The following PTPRK variants were observed in gnomAD, a reference collection of about 807,000 sequenced individuals.
PTPRK encodes receptor-type tyrosine-protein phosphatase kappa.
In PTPRK, 75 loss-of-function variants were observed where a neutral mutation model predicts 178.0. That is an observed-to-expected ratio of 0.42 (90% CI 0.35 to 0.51). PTPRK has a LOEUF of 0.51. Among genes scored for constraint, PTPRK ranks in the 20% least tolerant of loss-of-function variants. The pLI is 0.02. For missense variants in PTPRK, 1,441 were observed against 1,797.8 expected (o/e 0.80, Z 3.59); for synonymous variants, 637 against 620.6 (o/e 1.03, Z -0.39).
At chr6:128,453,951 G>A (rs1174297708) in intron 1 of PTPRK, among the ~76,000 whole-genome samples, 2 of 152,108 alleles carry the variant, frequency 1.3e-5, no homozygotes, top group African/African-American at 4.8e-5. Context: ...TTCTTCTATA[G>A]AAGTTAATTC....
chr6:128,262,555 C>T (rs992452716), intron 3 of PTPRK, among the ~76,000 whole-genome samples: 8 of 151,986 alleles, frequency 5.3e-5, no homozygotes, highest in Non-Finnish European at 1.2e-4. Flanking sequence ...CTAAACTAGA[C>T]CCAACTACAG....
At chr6:128,143,087 C>A (rs1435632633) in intron 7 of PTPRK, among the ~76,000 whole-genome samples, 1 of 152,044 alleles carries the variant, frequency 6.6e-6, no homozygotes, top group East Asian at 1.9e-4. Flanking sequence ...ACACTTCTCC[C>A]CTTTCTCTTC....
chr6:128,092,131 T>C (rs1463242780), intron 7 of PTPRK, among the ~76,000 whole-genome samples: 6 of 152,196 alleles, frequency 3.9e-5, no homozygotes, highest in Admixed American at 1.3e-4. Context: ...AGCACAATCA[T>C]AATTTCAGTG....
At chr6:128,398,371 C>T (rs1840616173) in intron 1 of PTPRK, among the ~76,000 whole-genome samples, 2 of 152,156 alleles carry the variant, frequency 1.3e-5, no homozygotes, top group Admixed American at 1.3e-4. Context: ...GTTACTAAGG[C>T]CTGGAAAGTT....
In PTPRK at chr6:128,402,425, G is replaced by C. The variant is rs182571730; in HGVS notation, c.101-4737C>G. 3.7e-3 allele frequency among the ~76,000 whole-genome samples: 558 copies of C among 152,098 alleles called. 9 individuals carry two copies. Among genetic ancestry groups the C allele is most frequent in the East Asian group, 2.1e-3 (11 of 5,158 alleles). ...GTGCCACCATGCCCATCTAATTTTT[G>C]TATTTTTAGTAGAGACGGGGTTTCA... On this transcript the variant is annotated intron_variant, in intron 1 of 29. Coordinates refer to ENST00000368226, the MANE Select transcript of PTPRK (RefSeq NM_002844.4).
chr6:128,242,389 T>C lies in PTPRK; in HGVS notation c.577+132A>G, dbSNP rs114131013. The C allele has an allele frequency of 9.3e-4, 1,125 of 1,215,394 alleles. 6 individuals carry two copies. In the African/African-American group the frequency reaches 0.015, roughly 16 times the overall value. The allele number at this position is 1,215,394 out of a possible 1,614,324, so 75.3% of individuals were successfully genotyped here. A position where few individuals can be genotyped will look rare whatever the true frequency, so the allele number is the denominator to read the frequency against. On this transcript the variant is annotated intron_variant, in intron 4 of 29. Coordinates refer to ENST00000368226, the MANE Select transcript of PTPRK (RefSeq NM_002844.4). ...AAAGATATCAGTTTCCTTTTAAAAC[T>C]CAATAGAAGGCTAGGACTAACAATA...
chr6:128,408,582 A>C (rs1841966333), intron 1 of PTPRK, among the ~76,000 whole-genome samples: 1 of 152,204 alleles, frequency 6.6e-6, no homozygotes, highest in East Asian at 1.9e-4. Flanking sequence ...TGGTACTTTG[A>C]GGGCAACTTG....
intron 15 of PTPRK, among the ~76,000 whole-genome samples, chr6:127,999,473 A>ATTTATATTCATTTATATTCAACCTCT (rs1777542579): frequency 2.0e-5 from 3 of 151,996 alleles, no homozygotes; most frequent in African/African-American, 7.2e-5. Context: ...TCTGCTAGCC[A>ATTTATATTCATTTATATTCAACCTCT]GACTACACGT....
intron 1 of PTPRK, among the ~76,000 whole-genome samples, chr6:128,419,682 A>C (rs1406382218): frequency 6.6e-6 from 1 of 152,182 alleles, no homozygotes; most frequent in Non-Finnish European, 1.5e-5. Context: ...CAATCTGAGA[A>C]CCTGTTTAAA....
chr6:128,329,995 G>T (rs1356657926), intron 2 of PTPRK, among the ~76,000 whole-genome samples: 1 of 152,148 alleles, frequency 6.6e-6, no homozygotes, highest in Non-Finnish European at 1.5e-5. Context: ...TATGTGTTCT[G>T]GAGACCATCT....
chr6:128,345,331 A>G (rs1174719691), intron 2 of PTPRK, among the ~76,000 whole-genome samples: 1 of 152,166 alleles, frequency 6.6e-6, no homozygotes, highest in Non-Finnish European at 1.5e-5. Flanking sequence ...TGTTCCCACT[A>G]CATATATTAA....
chr6:127,976,566 T>C lies in PTPRK; in HGVS notation c.3969+91A>G, dbSNP rs1774625115. 1.7e-5 allele frequency: 24 copies of C among 1,451,038 alleles called. No individual in the cohort carries two copies. In the South Asian group the frequency reaches 2.7e-4, roughly 17 times the overall value. The allele number at this position is 1,451,038 out of a possible 1,614,324, so 89.9% of individuals were successfully genotyped here. On this transcript the variant is annotated intron_variant, in intron 27 of 29. Coordinates refer to ENST00000368226, the MANE Select transcript of PTPRK (RefSeq NM_002844.4). ...TGGATGATATAGTGCTTATTAATTG[T>C]AGTCTCCCTGTTGTCTGAATAAAAT...
At chr6:128,387,465 T>C (rs1013801938) in intron 2 of PTPRK, among the ~76,000 whole-genome samples, 3 of 152,184 alleles carry the variant, frequency 2.0e-5, no homozygotes, top group African/African-American at 7.2e-5. Flanking sequence ...TTATTGGACA[T>C]TTAGTATAAA....
intron 3 of PTPRK, among the ~76,000 whole-genome samples, chr6:128,276,281 A>G (rs1000941591): frequency 2.0e-5 from 3 of 152,136 alleles, no homozygotes; most frequent in Non-Finnish European, 4.4e-5. Flanking sequence ...TTAAGAAAGC[A>G]GAAATATTGT....
intron 3 of PTPRK, among the ~76,000 whole-genome samples, chr6:128,286,997 C>T: frequency 6.6e-6 from 1 of 152,104 alleles, no homozygotes. Flanking sequence ...GGATTTCTAT[C>T]CTGCCTCTTA....
At chr6:128,486,971 A>T (rs1485617585) in intron 1 of PTPRK, among the ~76,000 whole-genome samples, 1 of 151,556 alleles carries the variant, frequency 6.6e-6, no homozygotes, top group Non-Finnish European at 1.5e-5. Context: ...AAAAAGAAAA[A>T]ATGTATTGAC....
At chr6:128,480,777 T>C (rs115961652) in intron 1 of PTPRK, among the ~76,000 whole-genome samples, 78 of 152,340 alleles carry the variant, frequency 5.1e-4, no homozygotes, top group African/African-American at 1.7e-3. Flanking sequence ...TCCAGTGTTC[T>C]GCCCACTTTA....
intron 7 of PTPRK, among the ~76,000 whole-genome samples, chr6:128,161,534 C>A (rs900449901): frequency 6.6e-6 from 1 of 151,568 alleles, no homozygotes; most frequent in Non-Finnish European, 1.5e-5. Context: ...ACATTAACAA[C>A]CATTCAAACT....
At chr6:128,063,825 G>A (rs1243999515) in intron 13 of PTPRK, among the ~76,000 whole-genome samples, 1 of 152,122 alleles carries the variant, frequency 6.6e-6, no homozygotes, top group Admixed American at 6.6e-5. Context: ...AAGCACAAAT[G>A]CTGATTGAGC....
Sources: gnomAD v4.1 joint callset for allele counts (sites outside exome capture counted in the v4.1 genomes callset) on GRCh38, gnomAD v4.1.1 for gene constraint, MANE v1.5 for transcripts, NCBI Gene and HGNC (gene_info 2026-07-23, HGNC 2026-07-21) for gene names.